Variants in PCDH15 observed in about 807,000 individuals in gnomAD.
PCDH15 encodes the protein protocadherin related 15.
In PCDH15, 129 loss-of-function variants were observed where a neutral mutation model predicts 178.5. The ratio of observed to expected loss-of-function variants is 0.72; its 90% CI spans 0.63 to 0.84. The LOEUF is 0.84. Ranked by LOEUF, PCDH15 falls within the 40% of genes least tolerant of loss-of-function variation. The probability of loss-of-function intolerance (pLI) is 0.00; values close to 1 mark genes in which losing one functional copy is unlikely to be tolerated. For synonymous variants in PCDH15, 800 were observed against 732.0 expected, an observed-to-expected ratio of 1.09 and a Z score of -1.50; for missense variants, 2,230 against 2,099.9, an observed-to-expected ratio of 1.06 and a Z score of -1.21.
Position 54,857,987 on chromosome 10 carries a change from C to G in PCDH15, c.-29+39463G>C, listed in dbSNP as rs572150927. Among the ~76,000 whole-genome samples the G allele has an allele frequency of 2.1e-5, 3 of 144,336 alleles. No homozygotes were observed. In the South Asian group the frequency reaches 6.4e-4, roughly 31 times the overall value. The allele number at this position is 144,336 out of a possible 152,430, so 94.7% of individuals were successfully genotyped here. A position where few individuals can be genotyped will look rare whatever the true frequency, so the allele number is the denominator to read the frequency against. ...TTCTCAGCAATTTCGAAATGTACAA[C>G]GCATTATTACTAACTAGGGTTATGT... is the stretch of plus-strand genomic sequence containing the variant. On this transcript the variant is annotated intron_variant, in intron 3 of 5. Coordinates refer to the PCDH15 transcript ENST00000458638.
At position 53,862,652 on chromosome 10, in the gene PCDH15, A is replaced by T. The variant is rs73238479; in HGVS notation, c.3717+3990T>A. Among the ~76,000 whole-genome samples the T allele has an allele frequency of 5.2e-3, 799 of 152,244 alleles. 9 individuals carry two copies. Among genetic ancestry groups the T allele is most frequent in the African/African-American group, 0.018 (750 of 41,560 alleles). ...TTCAATGAAATGACAGGCTCCCTTC[A>T]TCCATTTTGTGTAAATGCCTACCAA... On this transcript the variant is annotated intron_variant, in intron 27 of 37. Coordinates refer to ENST00000644397, the MANE Select transcript of PCDH15 (RefSeq NM_001384140.1).
At chr10:55,417,014 T>C (rs1157880192) in intron 2 of PCDH15, among the ~76,000 whole-genome samples, 2 of 151,808 alleles carry the variant, frequency 1.3e-5, no homozygotes, top group East Asian at 3.9e-4. Context: ...AGACTTTGTA[T>C]GTGTCAAGCC....
chr10:53,811,470 GTAATAA>G, intron 36 of PCDH15, 73 bp downstream of exon 36: 1 of 869,380 alleles, frequency 1.2e-6, no homozygotes, highest in Non-Finnish European at 1.7e-6. Flanking sequence ...ACAAATTCTA[GTAATAA>G]TAATCATTTA....
At chr10:54,395,441 C>A (rs1418149044) in intron 3 of PCDH15, among the ~76,000 whole-genome samples, 2 of 151,566 alleles carry the variant, frequency 1.3e-5, no homozygotes, top group African/African-American at 4.8e-5. Context: ...CACACACACA[C>A]ACACACACCC....
At chr10:54,727,036 G>A (rs114695068) in intron 1 of PCDH15, among the ~76,000 whole-genome samples, 18,426 of 151,120 alleles carry the variant, frequency 0.12, 1,259 homozygotes, top group African/African-American at 0.17. Context: ...TGCTAGAGAG[G>A]TTGACATGAA....
intron 1 of PCDH15, among the ~76,000 whole-genome samples, chr10:54,713,584 G>A (rs1433490328): frequency 1.3e-5 from 2 of 151,898 alleles, no homozygotes; most frequent in African/African-American, 4.8e-5. Flanking sequence ...TTAGAATTCT[G>A]GATATATTTC....
chr10:54,175,502 A>T (rs776839575), intron 13 of PCDH15, among the ~76,000 whole-genome samples: 1 of 152,204 alleles, frequency 6.6e-6, no homozygotes, highest in African/African-American at 2.4e-5. Flanking sequence ...TAATAATAGC[A>T]AGTTACCACA....
intron 18 of PCDH15, among the ~76,000 whole-genome samples, chr10:54,024,160 G>A (rs1911422): frequency 0.73 from 111,695 of 152,044 alleles, 41,274 homozygotes; most frequent in Middle Eastern, 0.8. Context: ...AATATTCATC[G>A]AATGAAATGT....
chr10:53,823,479 C>T (rs1410584486), intron 32 of PCDH15: 1 of 929,548 alleles, frequency 1.1e-6, no homozygotes, highest in Non-Finnish European at 1.8e-6. Context: ...GGCCAAACAA[C>T]ACTAACCTAC....
At chr10:55,408,209 T>C (rs544412141) in intron 2 of PCDH15, among the ~76,000 whole-genome samples, 64 of 151,052 alleles carry the variant, frequency 4.2e-4, no homozygotes, top group African/African-American at 1.6e-3. Context: ...TTTTTTGAGA[T>C]GGAATCTCAC....
chr10:55,171,621 G>T (rs1023274509), intron 1 of PCDH15, among the ~76,000 whole-genome samples: 1 of 152,056 alleles, frequency 6.6e-6, no homozygotes, highest in Non-Finnish European at 1.5e-5. Flanking sequence ...TTTGGCATTT[G>T]ACCAAGTTCT....
chr10:54,003,665 C>A (rs2135045720), intron 20 of PCDH15, among the ~76,000 whole-genome samples: 1 of 143,346 alleles, frequency 7.0e-6, no homozygotes, highest in Non-Finnish European at 1.5e-5. Flanking sequence ...AAGCCAGAAC[C>A]TGATGGTTTT....
chr10:53,989,726 G>A (rs1225274325), intron 21 of PCDH15, among the ~76,000 whole-genome samples: 1 of 152,022 alleles, frequency 6.6e-6, no homozygotes, highest in African/African-American at 2.4e-5. Flanking sequence ...CATGCTCCTG[G>A]GTGAGAAATC....
At chr10:53,844,768 T>C (rs1212343343) in intron 28 of PCDH15, among the ~76,000 whole-genome samples, 2 of 151,992 alleles carry the variant, frequency 1.3e-5, no homozygotes, top group African/African-American at 4.8e-5. Context: ...CATAAAACTG[T>C]AAAACTACTA....
At chr10:54,314,583 A>G (rs769849030) in intron 8 of PCDH15, among the ~76,000 whole-genome samples, 1 of 152,108 alleles carries the variant, frequency 6.6e-6, no homozygotes, top group Non-Finnish European at 1.5e-5. Context: ...GGTTTGTTAC[A>G]TAGGTGAAGT....
intron 3 of PCDH15, among the ~76,000 whole-genome samples, chr10:54,816,537 A>G (rs1057345508): frequency 1.3e-5 from 2 of 152,088 alleles, no homozygotes; most frequent in Non-Finnish European, 2.9e-5. Flanking sequence ...TGAGAAACTA[A>G]GATATTTTTC....
At chr10:54,865,904 G>A (rs190035998) in intron 3 of PCDH15, among the ~76,000 whole-genome samples, 2 of 152,282 alleles carry the variant, frequency 1.3e-5, no homozygotes, top group African/African-American at 2.4e-5. Context: ...ATACTTCAGT[G>A]ATCAAGGATA....
intron 20 of PCDH15, among the ~76,000 whole-genome samples, chr10:54,002,064 CATGTATAT>C (rs1259557493): frequency 2.9e-5 from 1 of 35,028 alleles, no homozygotes; most frequent in African/African-American, 1.9e-4. Flanking sequence ...TATATATATA[CATGTATAT>C]ATATACATAT....
chr10:53,810,310 T>A (rs944030593), intron 37 of PCDH15, among the ~76,000 whole-genome samples: 1 of 152,152 alleles, frequency 6.6e-6, no homozygotes, highest in Non-Finnish European at 1.5e-5. Flanking sequence ...TTAGAAAACA[T>A]AATTTTCATT....
Sources: gnomAD v4.1 joint callset for allele counts (sites outside exome capture counted in the v4.1 genomes callset) on GRCh38, gnomAD v4.1.1 for gene constraint, MANE v1.5 for transcripts, NCBI Gene and HGNC (gene_info 2026-07-23, HGNC 2026-07-21) for gene names.